RASSF3: variants seen among roughly 807,000 people sequenced by gnomAD.
The protein encoded by RASSF3 is Ras association domain family member 3.
Under a neutral mutation model 19.9 loss-of-function variants are expected in RASSF3, and 19 were observed. The ratio of observed to expected loss-of-function variants is 0.96; its 90% CI spans 0.67 to 1.40. RASSF3 has a LOEUF of 1.40. RASSF3 is among the 40% of genes most tolerant of loss of function. The pLI is 0.00. For synonymous variants in RASSF3, 110 were observed against 104.2 expected, an observed-to-expected ratio of 1.06 and a Z score of -0.34; for missense variants, 306 against 289.8, an observed-to-expected ratio of 1.06 and a Z score of -0.41.
intron 2 of RASSF3, among the ~76,000 whole-genome samples, chr12:64,586,150 C>A (rs923532870): frequency 5.3e-5 from 8 of 151,958 alleles, no homozygotes; most frequent in African/African-American, 1.7e-4. Flanking sequence ...CATGGCGAAA[C>A]CCTGTCTCAC....
intron 2 of RASSF3, chr12:64,598,942 C>T (rs917174600): frequency 6.9e-6 from 1 of 143,940 alleles, no homozygotes; most frequent in African/African-American, 2.6e-5. Context: ...CCTGGAGACA[C>T]AGATTTCAAA....
At chr12:64,688,069 T>C in intron 2 of RASSF3, 147 bp from the exon 3 acceptor site, 3 of 714,060 alleles carry the variant, frequency 4.2e-6, no homozygotes, top group East Asian at 4.9e-5. Context: ...GTCATTCCTT[T>C]GGGGGCAATC....
chr12:64,512,367 T>G (rs188177979), intron 1 of RASSF3, among the ~76,000 whole-genome samples: 1 of 152,046 alleles, frequency 6.6e-6, no homozygotes, highest in Non-Finnish European at 1.5e-5. Context: ...CCTTTAGTCC[T>G]AACTACCCAG....
intron 2 of RASSF3, among the ~76,000 whole-genome samples, chr12:64,566,890 TG>T (rs1869441020): frequency 6.6e-6 from 1 of 152,202 alleles, no homozygotes; most frequent in African/African-American, 2.4e-5. Context: ...TGTTGCCAGG[TG>T]GGGACCGAGG....
chr12:64,598,520 C>A (rs1565846335), intron 2 of RASSF3, among the ~76,000 whole-genome samples: 1 of 152,102 alleles, frequency 6.6e-6, no homozygotes, highest in Admixed American at 6.6e-5. Flanking sequence ...CAAGGGAGAA[C>A]AATTGCTGAA....
upstream of RASSF3, among the ~76,000 whole-genome samples, chr12:64,529,576 G>A (rs928808002): frequency 5.3e-5 from 8 of 152,166 alleles, no homozygotes; most frequent in African/African-American, 9.7e-5. Flanking sequence ...CAATGGTGCC[G>A]TCAAGAGGAA....
At chr12:64,528,616 A>C (rs1868638950), upstream of RASSF3, among the ~76,000 whole-genome samples, 1 of 152,204 alleles carries the variant, frequency 6.6e-6, no homozygotes, top group South Asian at 2.1e-4. Flanking sequence ...ACTGAAAGAA[A>C]CCTTATGTAT....
At chr12:64,665,143 G>T (rs960730235) in intron 1 of RASSF3, among the ~76,000 whole-genome samples, 1 of 152,158 alleles carries the variant, frequency 6.6e-6, no homozygotes, top group African/African-American at 2.4e-5. Flanking sequence ...GCAGTGGAAG[G>T]TTCTAGGAGT....
intron 1 of RASSF3, among the ~76,000 whole-genome samples, chr12:64,642,206 C>T (rs1484318580): frequency 1.3e-5 from 2 of 151,978 alleles, no homozygotes; most frequent in Non-Finnish European, 2.9e-5. Flanking sequence ...AGCAATTGTA[C>T]TTCTAAAAAA....
At chr12:64,558,435 T>G (rs1177728252) in intron 2 of RASSF3, among the ~76,000 whole-genome samples, 10 of 152,176 alleles carry the variant, frequency 6.6e-5, no homozygotes, top group Admixed American at 6.5e-4. Flanking sequence ...TTCCTATATG[T>G]CCAGCCACAT....
In RASSF3 at chr12:64,558,585, G is replaced by A. The variant is rs193174753; in HGVS notation, c.294+16880G>A. Among the ~76,000 whole-genome samples the A allele has an allele frequency of 1.1e-4, 17 of 152,262 alleles. No homozygotes were observed. In the East Asian group the frequency reaches 2.3e-3, roughly 21 times the overall value. ...GGTAAAATGTGAGAAAAGGGCTGGC[G>A]TAACTCAAGGAATCAAGTCAATTTA... On this transcript the variant is annotated intron_variant, in intron 2 of 5. Transcript: ENST00000637125.
At chr12:64,636,032 A>T (rs936233939) in intron 1 of RASSF3, among the ~76,000 whole-genome samples, 3 of 152,200 alleles carry the variant, frequency 2.0e-5, no homozygotes, top group Non-Finnish European at 4.4e-5. Context: ...TGCATGTACA[A>T]TATGGGTGGA....
chr12:64,525,059 C>T (rs1868556550), intron 1 of RASSF3, among the ~76,000 whole-genome samples: 2 of 152,036 alleles, frequency 1.3e-5, no homozygotes, highest in Non-Finnish European at 1.5e-5. Flanking sequence ...GTGGATCACC[C>T]GAGGTCAGGA....
intron 1 of RASSF3, among the ~76,000 whole-genome samples, chr12:64,676,050 C>T (rs1253963362): frequency 6.6e-6 from 1 of 151,980 alleles, no homozygotes; most frequent in African/African-American, 2.4e-5. Context: ...GGCAGATTAT[C>T]AACACTGGTG....
At chr12:64,602,590 GAAAAAAGAAAA>G in intron 2 of RASSF3, among the ~76,000 whole-genome samples, 1 of 141,366 alleles carries the variant, frequency 7.1e-6, no homozygotes, top group African/African-American at 2.9e-5. Context: ...AAAAAAAAAA[GAAAAAAGAAAA>G]AAAAATGAAA....
At chr12:64,533,180 C>G (rs1868750992), upstream of RASSF3, 1 of 152,308 alleles carries the variant, frequency 6.6e-6, no homozygotes, top group African/African-American at 2.4e-5. Flanking sequence ...GGCTCTGAGT[C>G]ACGCAGGTCA....
chr12:64,614,029 C>G (rs1011616498), intron 1 of RASSF3, among the ~76,000 whole-genome samples: 1 of 152,056 alleles, frequency 6.6e-6, no homozygotes, highest in Non-Finnish European at 1.5e-5. Flanking sequence ...TTATTGTATC[C>G]GCAGGGTCTC....
At chr12:64,567,660 C>G (rs1869452223) in intron 2 of RASSF3, among the ~76,000 whole-genome samples, 1 of 152,210 alleles carries the variant, frequency 6.6e-6, no homozygotes, top group Non-Finnish European at 1.5e-5. Flanking sequence ...GGATTCCCTA[C>G]GACAGTTGAC....
At chr12:64,511,356 C>T (rs192015504) in intron 1 of RASSF3, among the ~76,000 whole-genome samples, 144 of 152,234 alleles carry the variant, frequency 9.5e-4, no homozygotes, top group African/African-American at 3.3e-3. Flanking sequence ...GTGGTGTGCA[C>T]CTGTAATCCC....
Sources: gnomAD v4.1 joint callset for allele counts (sites outside exome capture counted in the v4.1 genomes callset) on GRCh38, gnomAD v4.1.1 for gene constraint, MANE v1.5 for transcripts, NCBI Gene and HGNC (gene_info 2026-07-23, HGNC 2026-07-21) for gene names.